The following METTL24 variants were observed in gnomAD, a reference collection of about 807,000 sequenced individuals.
METTL24 encodes the protein probable methyltransferase-like protein 24.
Under a neutral mutation model 32.7 loss-of-function variants are expected in METTL24, and 29 were observed. The observed-to-expected ratio is 0.89, with a 90% CI of 0.66 to 1.21. The LOEUF (loss-of-function observed/expected upper bound fraction) is 1.21, where lower values mean the gene tolerates loss of function less well. Among genes scored for constraint, METTL24 ranks in the 50% most tolerant of loss-of-function variants. The pLI is 0.00. For missense variants in METTL24, 439 were observed against 468.1 expected, an observed-to-expected ratio of 0.94 and a Z score of 0.57; for synonymous variants, 163 against 179.5, an observed-to-expected ratio of 0.91 and a Z score of 0.73.
At position 110,348,093 on chromosome 6, in the gene METTL24, T is replaced by C. The variant is rs546850539; in HGVS notation, c.318+9862A>G. Among the ~76,000 whole-genome samples, 6 of 152,362 alleles carry C rather than the reference T, an allele frequency of 3.9e-5. No homozygotes were observed. The East Asian group carries it at 9.6e-4, about 24-fold the overall frequency. On this transcript the variant is annotated intron_variant, in intron 1 of 4. Transcript: ENST00000338882. ...GGTACTTACAGGCCAGTGCCCCAGCTGGAAACACAAGGCTGAACACAGACC... is the reference window on the plus strand; with the variant it reads ...GGTACTTACAGGCCAGTGCCCCAGCCGGAAACACAAGGCTGAACACAGACC...
intron 4 of METTL24, among the ~76,000 whole-genome samples, chr6:110,283,987 A>G (rs1316824682): frequency 1.3e-5 from 2 of 152,226 alleles, no homozygotes; most frequent in Admixed American, 1.3e-4. Context: ...AAAAAGCACA[A>G]TTACTTTTGT....
chr6:110,248,082 CTT>C (rs1329160420), intron 4 of METTL24, among the ~76,000 whole-genome samples: 1 of 151,848 alleles, frequency 6.6e-6, no homozygotes, highest in Non-Finnish European at 1.5e-5. Context: ...CCCCCTCTCT[CTT>C]GTTCCCTCTC....
At chr6:110,266,291 C>T (rs1770857031) in intron 4 of METTL24, among the ~76,000 whole-genome samples, 1 of 152,022 alleles carries the variant, frequency 6.6e-6, no homozygotes, top group South Asian at 2.1e-4. Flanking sequence ...CCAACATATT[C>T]TAGTATTCTC....
chr6:110,245,877 C>T lies in METTL24; in HGVS notation c.*69G>A. ...TAGCAGGAGACTGGATGAGTAAACT[C>T]ATGATTAGAATTATGGACATGCTGC... On this transcript the variant is annotated 3_prime_UTR_variant, in exon 5 of 5. Transcript: ENST00000338882. The T allele has an allele frequency of 6.9e-7, 1 of 1,457,054 alleles. No homozygotes were observed. Among genetic ancestry groups the T allele is most frequent in the Non-Finnish European group, 9.3e-7 (1 of 1,072,862 alleles). The allele number at this position is 1,457,054 out of a possible 1,614,324, so 90.3% of individuals were successfully genotyped here.
chr6:110,345,579 T>C (rs1001472665), intron 1 of METTL24, among the ~76,000 whole-genome samples: 1 of 152,234 alleles, frequency 6.6e-6, no homozygotes, highest in Non-Finnish European at 1.5e-5. Context: ...ATATACACCA[T>C]GGACTGTTGG....
rs1031385379 is a variant in METTL24, at chr6:110,294,888, G to A, written c.786+4034C>T. Among the ~76,000 whole-genome samples the A allele has an allele frequency of 4.0e-5, 6 of 151,090 alleles. 1 individual carries two copies. Among genetic ancestry groups the A allele is most frequent in the African/African-American group, 1.2e-4 (5 of 41,066 alleles). On this transcript the variant is annotated intron_variant, in intron 4 of 4. Transcript: ENST00000338882. ...TATTTTCCATTTCCAGCAGCAAAGT[G>A]TATTATTCCCAACAAGCATTACAAT...
At chr6:110,253,083 GC>G (rs1173623950) in intron 4 of METTL24, among the ~76,000 whole-genome samples, 1 of 152,216 alleles carries the variant, frequency 6.6e-6, no homozygotes, top group African/African-American at 2.4e-5. Flanking sequence ...GGGTGATGCA[GC>G]TTCTACTTTG....
At chr6:110,331,275 T>C (rs1322975990) in intron 1 of METTL24, among the ~76,000 whole-genome samples, 1 of 151,838 alleles carries the variant, frequency 6.6e-6, no homozygotes, top group Non-Finnish European at 1.5e-5. Flanking sequence ...CTTGGGGACC[T>C]GTGCAGCAAT....
In METTL24 at chr6:110,252,381, C is replaced by T. The variant is rs111459711; in HGVS notation, c.787-6121G>A. 4.3e-3 allele frequency among the ~76,000 whole-genome samples: 658 copies of T among 152,286 alleles called. 9 individuals are homozygous for T. Among genetic ancestry groups the T allele is most frequent in the African/African-American group, 0.015 (642 of 41,562 alleles). Reference sequence around the variant, plus strand: ...CCCTGTGGCCTTTCTGCATGCATTCCTGGTGTCTCCACTTTTTCTTACAAG... The same window carrying T: ...CCCTGTGGCCTTTCTGCATGCATTCTTGGTGTCTCCACTTTTTCTTACAAG... On this transcript the variant is annotated intron_variant, in intron 4 of 4. Transcript: ENST00000338882.
In METTL24 at chr6:110,275,971, C is replaced by T. The variant is rs548879930; in HGVS notation, c.786+22951G>A. On this transcript the variant is annotated intron_variant, in intron 4 of 4. Transcript: ENST00000338882. Reference sequence around the variant, plus strand: ...CCTTTCCTCTGCATTTCTCTCCCACCTCCTGTGCCTTCCCAGCCACAGCAT... The same window carrying T: ...CCTTTCCTCTGCATTTCTCTCCCACTTCCTGTGCCTTCCCAGCCACAGCAT... Among the ~76,000 whole-genome samples, 25 of 152,294 alleles carry T rather than the reference C, an allele frequency of 1.6e-4. No homozygotes were observed. In the South Asian group the frequency reaches 5.2e-3, roughly 32 times the overall value.
rs919631309 is a variant in METTL24, at chr6:110,245,595, A to C, written c.*351T>G. 2.0e-5 allele frequency among the ~76,000 whole-genome samples: 3 copies of C among 152,250 alleles called. No homozygotes were observed. Among genetic ancestry groups the C allele is most frequent in the Non-Finnish European group, 4.4e-5 (3 of 68,040 alleles). Reference sequence around the variant, plus strand: ...AGGGGAAGAACTTAAAAATCTCACCAACCTAGTAAAAATAGGAAATTTATA... The same window carrying C: ...AGGGGAAGAACTTAAAAATCTCACCCACCTAGTAAAAATAGGAAATTTATA... On this transcript the variant is annotated 3_prime_UTR_variant, in exon 5 of 5. Coordinates refer to ENST00000338882, the MANE Select transcript of METTL24 (RefSeq NM_001123364.3).
chr6:110,304,694 T>C (rs1404375885), intron 3 of METTL24, among the ~76,000 whole-genome samples: 1 of 152,190 alleles, frequency 6.6e-6, no homozygotes, highest in African/African-American at 2.4e-5. Flanking sequence ...CTATAATTGA[T>C]TGGTGTATCT....
intron 3 of METTL24, among the ~76,000 whole-genome samples, chr6:110,300,494 C>T (rs1306721831): frequency 6.7e-6 from 1 of 148,792 alleles, no homozygotes; most frequent in African/African-American, 2.5e-5. Context: ...GATCTCAGCT[C>T]ACTGCAACCT....
chr6:110,325,335 G>T (rs1256019501), intron 1 of METTL24, among the ~76,000 whole-genome samples: 1 of 152,192 alleles, frequency 6.6e-6, no homozygotes, highest in Non-Finnish European at 1.5e-5. Context: ...AGTTTCTGTT[G>T]CAACTCTTTG....
intron 1 of METTL24, among the ~76,000 whole-genome samples, chr6:110,353,145 G>A (rs1414569720): frequency 6.6e-6 from 1 of 152,164 alleles, no homozygotes; most frequent in Non-Finnish European, 1.5e-5. Context: ...TTCTTTGTGC[G>A]ACTAAGCAAC....
At chr6:110,322,700 C>T (rs1210803753) in intron 2 of METTL24, 74 bp downstream of exon 2, 21 of 1,284,774 alleles carry the variant, frequency 1.6e-5, no homozygotes, top group Non-Finnish European at 2.1e-5. Flanking sequence ...GAACCTCCCC[C>T]ACCTCCTTCT....
chr6:110,330,071 A>C (rs892889231), intron 1 of METTL24, among the ~76,000 whole-genome samples: 2 of 152,254 alleles, frequency 1.3e-5, no homozygotes, highest in African/African-American at 4.8e-5. Context: ...TGGCGCAGCC[A>C]GGAAGCACCA....
chr6:110,305,168 A>C (rs1771605685), intron 3 of METTL24, among the ~76,000 whole-genome samples: 1 of 152,148 alleles, frequency 6.6e-6, no homozygotes, highest in South Asian at 2.1e-4. Flanking sequence ...GCATTAATTA[A>C]AATTAACTCA....
chr6:110,356,801 T>C (rs756798289), intron 1 of METTL24, among the ~76,000 whole-genome samples: 4 of 152,274 alleles, frequency 2.6e-5, no homozygotes, highest in African/African-American at 9.6e-5. Context: ...GTTTGCGAGA[T>C]AGAAAAAGGT....
Sources: gnomAD v4.1 joint callset for allele counts (sites outside exome capture counted in the v4.1 genomes callset) on GRCh38, gnomAD v4.1.1 for gene constraint, MANE v1.5 for transcripts, NCBI Gene and HGNC (gene_info 2026-07-23, HGNC 2026-07-21) for gene names.